NUTM1: variants seen among roughly 807,000 people sequenced by gnomAD.
The protein encoded by NUTM1 is NUT family member 1.
A neutral mutation model predicts 88.7 loss-of-function variants in NUTM1; 39 were observed. That is an observed-to-expected ratio of 0.44 (90% CI 0.34 to 0.57). NUTM1 has a LOEUF of 0.57. Among genes scored for constraint, NUTM1 ranks in the 20% least tolerant of loss-of-function variants. The pLI, the probability that NUTM1 is intolerant of heterozygous loss-of-function variation, is 0.01. For missense variants in NUTM1, 1,350 were observed against 1,414.5 expected, an observed-to-expected ratio of 0.95 and a Z score of 0.73; for synonymous variants, 494 against 538.0, an observed-to-expected ratio of 0.92 and a Z score of 1.13.
At chr15:34,354,780 T>A in intron 6 of NUTM1, 48 bp downstream of exon 6, 1 of 1,585,538 alleles carries the variant, frequency 6.3e-7, no homozygotes, top group Non-Finnish European at 8.6e-7. Context: ...TTGGGGTGGG[T>A]ACTCCCGGGA....
At chr15:34,344,890 T>C (rs1890558690) in intron 1 of NUTM1, among the ~76,000 whole-genome samples, 1 of 151,560 alleles carries the variant, frequency 6.6e-6, no homozygotes, top group Non-Finnish European at 1.5e-5. Context: ...TGGTGGTGGG[T>C]GCCTGTAGTC....
intron 4 of NUTM1, among the ~76,000 whole-genome samples, chr15:34,352,540 T>C (rs534332291): frequency 6.6e-6 from 1 of 151,688 alleles, no homozygotes; most frequent in African/African-American, 2.4e-5. Flanking sequence ...GGCTCACACC[T>C]GTAATCCCAG....
At position 34,355,825 on chromosome 15, in the gene NUTM1, C is replaced by T. The variant is rs372633609; in HGVS notation, c.1817C>T (p.Pro606Leu). ...GCAGCTCCACAGGGAACTCCGGGAC[C>T]CTTGGGTGTGGAGAGGAGAGGGTCT... ...ELAAPQGTPG[P>L]LGVERRGSGK... Residue 606 changes from proline (P) to leucine (L), a missense_variant, in exon 8 of 8, where the codon CCC becomes CTC. Physicochemically the swap from Pro to Leu is moderately conservative, Grantham distance 98 (BLOSUM62 -3). Around this residue, in one of 5 missense-constraint regions of NUTM1, gnomAD observed 730 missense variants for 728.8 expected, o/e 1.00. Coordinates refer to ENST00000537011, the MANE Select transcript of NUTM1 (RefSeq NM_001284292.2). This position sits in a 1 kb window ranked among gnomAD's most constrained non-coding sequence, Gnocchi z 4.3. 86 of 1,614,006 alleles carry T rather than the reference C, an allele frequency of 5.3e-5. No homozygotes were observed. Among genetic ancestry groups the T allele is most frequent in the Middle Eastern group, 1.6e-4 (1 of 6,082 alleles).
rs1890804388 is a variant in NUTM1 at position 34,356,157 on chromosome 15, T to A, written c.2149T>A (p.Trp717Arg). Residue 717 changes from tryptophan (W) to arginine (R), a missense_variant, in exon 8 of 8, where the codon TGG becomes AGG. Physicochemically the swap from Trp to Arg is moderately radical, Grantham distance 101 (BLOSUM62 -3). Transcript: ENST00000537011. The part of the protein sequence containing the change: ...VPWEGSSGAM[W>R]GDDRGTPMAQ... The stretch of plus-strand genomic sequence containing the variant: ...CTGGGAAGGCTCTTCAGGAGCCATG[T>A]GGGGAGATGACAGAGGTACCCCCAT... 6.2e-7 allele frequency: 1 copy of A among 1,612,232 alleles called. No individual in the cohort carries two copies. Among genetic ancestry groups the A allele is most frequent in the Non-Finnish European group, 8.5e-7 (1 of 1,178,582 alleles).
Position 34,354,005 on chromosome 15 carries a change from C to T in NUTM1, c.1075+133C>T. 5.1e-6 allele frequency: 5 copies of T among 973,576 alleles called. 1 individual carries two copies. The South Asian group carries it at 8.0e-5, about 16-fold the overall frequency. 60.3% of individuals were successfully genotyped at this position (973,576 alleles called of 1,614,324 possible). A position where few individuals can be genotyped will look rare whatever the true frequency, so the allele number is the denominator to read the frequency against. On this transcript the variant is annotated intron_variant, in intron 5 of 7. Coordinates refer to ENST00000537011, the MANE Select transcript of NUTM1 (RefSeq NM_001284292.2). ...CCTCTGGAGAGTGGCATTTGATATTCCAAACAGACCACCCCATAGGAGGCT... is the reference window on the plus strand; with the variant it reads ...CCTCTGGAGAGTGGCATTTGATATTTCAAACAGACCACCCCATAGGAGGCT...
At position 34,348,049 on chromosome 15, in the gene NUTM1, C is replaced by A. The variant is rs752901810; in HGVS notation, c.181C>A (p.Pro61Thr). 10 of 1,614,092 alleles carry A rather than the reference C, an allele frequency of 6.2e-6. No individual in the cohort carries two copies. Among genetic ancestry groups the A allele is most frequent in the Non-Finnish European group, 8.5e-6 (10 of 1,179,986 alleles). ...ATCCCCTGCACTTCCCTTTCTCCCA[C>A]CAACTTCTGACCCACCAGACCACCC... is the stretch of plus-strand genomic sequence containing the variant. The part of the protein sequence containing the change: ...SPSPALPFLP[P>T]TSDPPDHPPR... Residue 61 changes from proline to threonine, a missense_variant, in exon 3 of 8, where the codon CCA (proline) becomes ACA (threonine). By Grantham distance (38) the Pro-to-Thr change is conservative. Around this residue, in one of 5 missense-constraint regions of NUTM1, gnomAD observed 399 missense variants for 397.9 expected, o/e 1.00. Coordinates refer to ENST00000537011, the MANE Select transcript of NUTM1 (RefSeq NM_001284292.2).
chr15:34,352,956 G>C (rs1890736252), intron 4 of NUTM1, among the ~76,000 whole-genome samples: 2 of 132,074 alleles, frequency 1.5e-5, no homozygotes, highest in Non-Finnish European at 1.6e-5. Context: ...CACGATCTCG[G>C]CTCACTGCAA....
chr15:34,354,720 CT>C lies in NUTM1; in HGVS notation c.1353del (p.Phe451LeufsTer29), dbSNP rs1890770898. On this transcript the variant is annotated frameshift_variant, in exon 6 of 8. Transcript: ENST00000537011. LOFTEE classifies it high-confidence loss of function. Reference sequence around the variant, plus strand: ...TCAATGAGCTGTGTTCTCAGAAGGTCTTTGTCTCCAAGGTGAGCTGGGCCTG... The same window carrying C: ...TCAATGAGCTGTGTTCTCAGAAGGTCTTGTCTCCAAGGTGAGCTGGGCCTG... The part of the protein sequence containing the change: ...YINELCSQKV[F>X]VSKVEAVIHP... 1.2e-6 allele frequency: 2 copies of C among 1,614,144 alleles called. No individual in the cohort carries two copies. The highest frequency in any genetic ancestry group is 1.7e-6 in the Non-Finnish European group (2 of 1,180,036).
chr15:34,356,155 T>G lies in NUTM1; in HGVS notation c.2147T>G (p.Met716Arg). 1 of 1,612,126 alleles carries G rather than the reference T, an allele frequency of 6.2e-7. No individual in the cohort carries two copies. The highest frequency in any genetic ancestry group is 8.5e-7 in the Non-Finnish European group (1 of 1,178,502). Residue 716 changes from methionine to arginine, a missense_variant, in exon 8 of 8, where the codon ATG becomes AGG. Around this residue, in one of 5 missense-constraint regions of NUTM1, gnomAD observed 730 missense variants for 728.8 expected, o/e 1.00. Transcript: ENST00000537011. ...AVPWEGSSGAMWGDDRGTPMA... is the reference protein window; with the variant it reads ...AVPWEGSSGARWGDDRGTPMA... ...CCCTGGGAAGGCTCTTCAGGAGCCA[T>G]GTGGGGAGATGACAGAGGTACCCCC...
intron 3 of NUTM1, among the ~76,000 whole-genome samples, chr15:34,349,200 G>A (rs1465351480): frequency 6.6e-6 from 1 of 152,176 alleles, no homozygotes; most frequent in East Asian, 1.9e-4. Flanking sequence ...AATTCACTTT[G>A]AAATAGGGTG....
At chr15:34,350,644 G>C in intron 3 of NUTM1, 60 bp from the exon 4 acceptor site, 1 of 1,580,660 alleles carries the variant, frequency 6.3e-7, no homozygotes, top group Non-Finnish European at 8.6e-7. Flanking sequence ...TGATGTAGGT[G>C]TCAGGGCAGG....
rs781747292 is a variant in NUTM1, at chr15:34,357,354, C to A, written c.3346C>A (p.Pro1116Thr). Residue 1116 changes from proline (P) to threonine (T), a missense_variant, in exon 8 of 8, where the codon CCC (proline) becomes ACC (threonine). Pro to Thr is a conservative substitution (Grantham distance 38). Coordinates refer to ENST00000537011, the MANE Select transcript of NUTM1 (RefSeq NM_001284292.2). The part of the protein sequence containing the change: ...AGGPAPTEKT[P>T]HSGAQLGVPR... Reference sequence around the variant, plus strand: ...AGGTCCAGCCCCTACTGAAAAGACACCCCACTCAGGAGCTCAACTTGGGGT... The same window carrying A: ...AGGTCCAGCCCCTACTGAAAAGACAACCCACTCAGGAGCTCAACTTGGGGT... The A allele has an allele frequency of 6.2e-7, 1 of 1,614,186 alleles. No individual in the cohort carries two copies. The highest frequency in any genetic ancestry group is 1.1e-5 in the South Asian group (1 of 91,088).
At chr15:34,346,799 C>T (rs1223108258) in intron 2 of NUTM1, among the ~76,000 whole-genome samples, 1 of 138,540 alleles carries the variant, frequency 7.2e-6, no homozygotes, top group Non-Finnish European at 1.5e-5. Flanking sequence ...AGGAGAATCA[C>T]TTGAACCCAG....
chr15:34,354,520 G>A lies in NUTM1; in HGVS notation c.1150G>A (p.Ala384Thr), dbSNP rs1890764579. 3.1e-6 allele frequency: 5 copies of A among 1,614,174 alleles called. No homozygotes were observed. The highest frequency in any genetic ancestry group is 1.6e-4 in the Middle Eastern group (1 of 6,062). Reference protein sequence around the residue: ...RRQRKAQRPPAPEAPKEIPPE... With the variant: ...RRQRKAQRPPTPEAPKEIPPE... ...TCAGCGTAAAGCCCAGAGACCTCCT[G>A]CTCCTGAGGCACCCAAGGAGATCCC... Residue 384 changes from alanine (A) to threonine (T), a missense_variant, in exon 6 of 8, where the codon GCT becomes ACT. Transcript: ENST00000537011.
In NUTM1 at chr15:34,356,058, C is replaced by T. The variant is rs1403182698; in HGVS notation, c.2050C>T (p.Leu684=). The T allele has an allele frequency of 6.2e-7, 1 of 1,614,038 alleles. No individual in the cohort carries two copies. The highest frequency in any genetic ancestry group is 2.2e-5 in the East Asian group (1 of 44,864). ...LQGQGLEKQV[L]GLQKGQQTGG... is the part of the protein sequence containing the mutation. ...AGGACAAGGGTTAGAAAAGCAAGTCCTGGGATTGCAGAAAGGACAACAAAC... is the reference window on the plus strand; with the variant it reads ...AGGACAAGGGTTAGAAAAGCAAGTCTTGGGATTGCAGAAAGGACAACAAAC... The change falls in exon 8 of 8, where the codon CTG becomes TTG. Residue 684 remains leucine, a synonymous_variant. Coordinates refer to ENST00000537011, the MANE Select transcript of NUTM1 (RefSeq NM_001284292.2).
chr15:34,351,227 C>CA (rs397853945), intron 4 of NUTM1, among the ~76,000 whole-genome samples: 2 of 34,466 alleles, frequency 5.8e-5, no homozygotes, highest in African/African-American at 2.5e-4. Flanking sequence ...GACTCCATCT[C>CA]AAAAAAAAAA....
intron 6 of NUTM1, 125 bp downstream of exon 6, chr15:34,354,857 G>C (rs1890773076): frequency 9.4e-7 from 1 of 1,060,160 alleles, no homozygotes; most frequent in Non-Finnish European, 1.4e-6. Flanking sequence ...AGTAATGTGT[G>C]TGCATGCATC....
intron 4 of NUTM1, among the ~76,000 whole-genome samples, chr15:34,352,290 G>A (rs995910315): frequency 1.3e-5 from 2 of 152,126 alleles, no homozygotes; most frequent in African/African-American, 4.8e-5. Context: ...ACCTTTCCAA[G>A]AATCCCATCC....
In NUTM1 at chr15:34,346,048, G is replaced by A. The variant is rs376561921; in HGVS notation, c.100+13G>A. 187 of 1,613,772 alleles carry A rather than the reference G, an allele frequency of 1.2e-4. No individual in the cohort carries two copies. Among genetic ancestry groups the A allele is most frequent in the Non-Finnish European group, 1.4e-4 (171 of 1,179,774 alleles). On this transcript the variant is annotated intron_variant, in intron 2 of 7. Transcript: ENST00000537011. ...GCTTCAGATGGAGGTAAGTCTGCAG[G>A]TGGTGAGGAGGATTTCTGGTACCTG... is the stretch of plus-strand genomic sequence containing the variant.
Sources: gnomAD v4.1 joint callset for allele counts (sites outside exome capture counted in the v4.1 genomes callset) on GRCh38, gnomAD v4.1.1 for gene constraint, gnomAD v4.1.1 regional missense constraint, Gnocchi (gnomAD v3.1) non-coding constraint, MANE v1.5 for transcripts, NCBI Gene and HGNC (gene_info 2026-07-23, HGNC 2026-07-21) for gene names.